The following FOXP1 variants were observed in gnomAD, a reference collection of about 807,000 sequenced individuals.
FOXP1 encodes forkhead box P1.
In FOXP1, 15 loss-of-function variants were observed where a neutral mutation model predicts 98.2. The observed-to-expected ratio is 0.15, with a 90% CI of 0.10 to 0.24. The LOEUF (loss-of-function observed/expected upper bound fraction) is 0.24, where lower values mean the gene tolerates loss of function less well. FOXP1 is among the 10% of genes least tolerant of loss of function. The probability of loss-of-function intolerance (pLI) is 1.00; values close to 1 mark genes in which losing one functional copy is unlikely to be tolerated. For missense variants in FOXP1, 633 were observed against 848.5 expected (o/e 0.75, Z 3.15); for synonymous variants, 371 against 314.5 (o/e 1.18, Z -1.90).
At chr3:71,083,376 T>C (rs2054664061) in intron 7 of FOXP1, among the ~76,000 whole-genome samples, 1 of 152,208 alleles carries the variant, frequency 6.6e-6, no homozygotes, top group African/African-American at 2.4e-5. Context: ...TTAATGCAGC[T>C]TGTGGAACCA....
intron 13 of FOXP1, among the ~76,000 whole-genome samples, chr3:70,989,192 C>T (rs547632404): frequency 1.6e-4 from 24 of 151,760 alleles, no homozygotes; most frequent in South Asian, 4.2e-4. Context: ...GGACAGGGGT[C>T]GGGGATTGTG....
intron 3 of FOXP1, among the ~76,000 whole-genome samples, chr3:71,455,789 C>T (rs958007401): frequency 6.6e-6 from 1 of 152,170 alleles, no homozygotes; most frequent in African/African-American, 2.4e-5. Flanking sequence ...AAGAAAAGAG[C>T]TATTAGTGAT....
intron 3 of FOXP1, among the ~76,000 whole-genome samples, chr3:71,491,069 G>A (rs1331442272): frequency 1.3e-5 from 2 of 152,158 alleles, no homozygotes; most frequent in African/African-American, 4.8e-5. Flanking sequence ...AGGCTGGAGT[G>A]CAGTGGCACG....
chr3:71,405,780 G>A (rs2082275647), intron 3 of FOXP1, among the ~76,000 whole-genome samples: 1 of 151,960 alleles, frequency 6.6e-6, no homozygotes, highest in Admixed American at 6.6e-5. Flanking sequence ...CCAGGCTGGA[G>A]TGCAGTGGCT....
intron 10 of FOXP1, 101 bp from the exon 11 acceptor site, chr3:71,041,633 G>C: frequency 6.6e-6 from 8 of 1,204,680 alleles, no homozygotes; most frequent in Middle Eastern, 2.1e-4. Context: ...CCTAGTGTTA[G>C]GGGGGTTTTT....
chr3:71,426,127 T>G (rs2084132741), intron 3 of FOXP1, among the ~76,000 whole-genome samples: 1 of 152,176 alleles, frequency 6.6e-6, no homozygotes, highest in Admixed American at 6.5e-5. Context: ...CCTCTTGACC[T>G]AAGAGCTAGA....
At chr3:71,266,150 G>A (rs528624995) in intron 5 of FOXP1, among the ~76,000 whole-genome samples, 155 of 152,298 alleles carry the variant, frequency 1.0e-3, no homozygotes, top group Middle Eastern at 3.4e-3. Flanking sequence ...TAGGTGTCTG[G>A]AAATGTGACA....
chr3:71,405,484 G>C (rs2082252252), intron 3 of FOXP1, among the ~76,000 whole-genome samples: 1 of 152,188 alleles, frequency 6.6e-6, no homozygotes, highest in Non-Finnish European at 1.5e-5. Flanking sequence ...CCAGTTTGCA[G>C]ATGGAAAAAC....
intron 6 of FOXP1, among the ~76,000 whole-genome samples, chr3:71,150,864 CT>C (rs1003937546): frequency 1.7e-4 from 26 of 152,044 alleles, no homozygotes; most frequent in Admixed American, 1.6e-3. Flanking sequence ...CTCTTTTTTC[CT>C]CTTTTCGTAT....
At chr3:71,081,388 C>G (rs969902377) in intron 7 of FOXP1, among the ~76,000 whole-genome samples, 1 of 152,176 alleles carries the variant, frequency 6.6e-6, no homozygotes, top group Non-Finnish European at 1.5e-5. Flanking sequence ...ATTTAGCGAT[C>G]ATCTTAATCC....
rs1404018553 is a variant in FOXP1 at position 71,198,198 on chromosome 3, G to C, written c.180+4C>G. ...CCACCTCCCAAGACTCCAAAGCCCAGTACCTGTTGCTGCTGCTGCTGGGCG... is the reference window on the plus strand; with the variant it reads ...CCACCTCCCAAGACTCCAAAGCCCACTACCTGTTGCTGCTGCTGCTGGGCG... On this transcript the variant is annotated splice_donor_region_variant and intron_variant, in intron 6 of 20. Transcript: ENST00000649528. 5.0e-6 allele frequency: 8 copies of C among 1,614,100 alleles called. No individual in the cohort carries two copies. Among genetic ancestry groups the C allele is most frequent in the Non-Finnish European group, 6.8e-6 (8 of 1,180,048 alleles).
intron 7 of FOXP1, among the ~76,000 whole-genome samples, chr3:71,073,957 G>C (rs1007082697): frequency 1.3e-5 from 2 of 152,284 alleles, no homozygotes; most frequent in East Asian, 3.9e-4. Context: ...CATGAACAGA[G>C]AGGTGCAGGA....
At chr3:71,565,729 C>T (rs2046860906) in intron 2 of FOXP1, among the ~76,000 whole-genome samples, 1 of 152,180 alleles carries the variant, frequency 6.6e-6, no homozygotes, top group South Asian at 2.1e-4. Flanking sequence ...AAGGTTGAAG[C>T]AGATGAATCT....
intron 6 of FOXP1, among the ~76,000 whole-genome samples, chr3:71,178,633 C>G (rs1407976704): frequency 6.6e-6 from 1 of 151,860 alleles, no homozygotes; most frequent in Non-Finnish European, 1.5e-5. Context: ...CCTGTAATCC[C>G]AGCACTTTGG....
At chr3:70,995,854 C>T (rs764716311) in intron 13 of FOXP1, among the ~76,000 whole-genome samples, 38 of 152,224 alleles carry the variant, frequency 2.5e-4, no homozygotes, top group Middle Eastern at 3.4e-3. Context: ...TTCTTTCTAC[C>T]GCTAAGAAAA....
At chr3:71,106,398 T>C (rs1177529832) in intron 7 of FOXP1, among the ~76,000 whole-genome samples, 1 of 152,060 alleles carries the variant, frequency 6.6e-6, no homozygotes. Context: ...TGCAGTGGCG[T>C]GATCTCGGCT....
chr3:71,330,416 C>T (rs1392611014), intron 4 of FOXP1, among the ~76,000 whole-genome samples: 1 of 152,064 alleles, frequency 6.6e-6, no homozygotes, highest in Non-Finnish European at 1.5e-5. Context: ...AAAAAACATC[C>T]TTTGAGAAGA....
chr3:70,957,621 G>A lies in FOXP1; in HGVS notation c.*1626C>T, dbSNP rs544110180. 1 of 232,972 alleles carries A rather than the reference G, an allele frequency of 4.3e-6. No homozygotes were observed. Among genetic ancestry groups the A allele is most frequent in the Non-Finnish European group, 8.5e-6 (1 of 117,748 alleles). The allele number at this position is 232,972 out of a possible 1,614,324, so 14.4% of individuals were successfully genotyped here. On this transcript the variant is annotated 3_prime_UTR_variant, in exon 21 of 21. Transcript: ENST00000649528. ...ATATAAATAAATGACAGGAAAGTGG[G>A]TGCAGAGCTGAAGTGTGGAGGGGTT...
chr3:71,050,450 TAG>T (rs1299639221), intron 9 of FOXP1, among the ~76,000 whole-genome samples: 1 of 152,152 alleles, frequency 6.6e-6, no homozygotes, highest in Non-Finnish European at 1.5e-5. Context: ...TCTTCAAATA[TAG>T]AGTTAAAGAT....
Sources: gnomAD v4.1 joint callset for allele counts (sites outside exome capture counted in the v4.1 genomes callset) on GRCh38, gnomAD v4.1.1 for gene constraint, MANE v1.5 for transcripts, NCBI Gene and HGNC (gene_info 2026-07-23, HGNC 2026-07-21) for gene names.